The following CAST variants were observed in gnomAD, a reference collection of about 807,000 sequenced individuals.
The protein encoded by CAST is calpastatin.
A neutral mutation model predicts 119.6 loss-of-function variants in CAST; 76 were observed. The ratio of observed to expected loss-of-function variants is 0.64; its 90% confidence interval spans 0.53 to 0.77. The LOEUF is 0.77. Among genes scored for constraint, CAST ranks in the 30% least tolerant of loss-of-function variants. The pLI, the probability that CAST is intolerant of heterozygous loss-of-function variation, is 0.00. For synonymous variants in CAST, 319 were observed against 331.6 expected, an observed-to-expected ratio of 0.96 and a Z score of 0.41; for missense variants, 953 against 946.5, an observed-to-expected ratio of 1.01 and a Z score of -0.09.
At chr5:96,408,824 T>C in the CAST span, among the ~76,000 whole-genome samples, 2 of 152,346 alleles carry the variant, frequency 1.3e-5, no homozygotes, top group Admixed American at 1.3e-4. Context: ...AAATGCTTAA[T>C]ATGTAGTTTG....
the CAST span, among the ~76,000 whole-genome samples, chr5:96,018,320 C>G: frequency 6.6e-6 from 1 of 152,140 alleles, no homozygotes; most frequent in Non-Finnish European, 1.5e-5. Flanking sequence ...TATTTACTCC[C>G]AAATGCAAAT....
the CAST span, among the ~76,000 whole-genome samples, chr5:95,986,895 G>A: frequency 6.6e-6 from 1 of 152,086 alleles, no homozygotes; most frequent in African/African-American, 2.4e-5. Context: ...AGTAACCTTG[G>A]CAGAGTAAAA....
At chr5:96,248,490 T>C in the CAST span, among the ~76,000 whole-genome samples, 1 of 152,144 alleles carries the variant, frequency 6.6e-6, no homozygotes, top group East Asian at 1.9e-4. Context: ...ACTAATCAGC[T>C]TGAAGGAAAG....
the CAST span, among the ~76,000 whole-genome samples, chr5:96,016,691 T>A: frequency 1.3e-5 from 2 of 152,306 alleles, 1 homozygote; most frequent in South Asian, 4.1e-4. Flanking sequence ...TACAGGCTTT[T>A]AAGAGTTGAG....
intron 6 of CAST, chr5:96,728,827 C>T: frequency 4.8e-6 from 1 of 207,080 alleles, no homozygotes; most frequent in South Asian, 9.3e-5. Context: ...TCAGTAGTCA[C>T]ATGGCTCATG....
At chr5:96,305,102 T>G in the CAST span, among the ~76,000 whole-genome samples, 3 of 152,342 alleles carry the variant, frequency 2.0e-5, no homozygotes, top group East Asian at 5.8e-4. Context: ...TTTTTCCATT[T>G]GTTTATGTCC....
chr5:96,013,809 A>G, the CAST span, among the ~76,000 whole-genome samples: 1 of 152,314 alleles, frequency 6.6e-6, no homozygotes, highest in African/African-American at 2.4e-5. Flanking sequence ...ACAAAATTGC[A>G]CATATGTATA....
chr5:96,110,033 T>C, the CAST span, among the ~76,000 whole-genome samples: 532 of 152,244 alleles, frequency 3.5e-3, 2 homozygotes, highest in African/African-American at 4.5e-3. Flanking sequence ...GAAAATCCAG[T>C]CTGTGTCTAG....
At chr5:96,487,208 T>C in the CAST span, among the ~76,000 whole-genome samples, 2 of 152,120 alleles carry the variant, frequency 1.3e-5, no homozygotes, top group South Asian at 2.1e-4. Flanking sequence ...ACCACCAGAA[T>C]GTCCATACCA....
intron 8 of CAST, 124 bp from the exon 9 acceptor site, chr5:96,730,656 A>C (rs1278734492): frequency 8.4e-6 from 6 of 713,292 alleles, no homozygotes; most frequent in Non-Finnish European, 1.2e-5. Flanking sequence ...AAGTGAGCAA[A>C]CATTCCCTTA....
At chr5:96,380,422 C>T in the CAST span, among the ~76,000 whole-genome samples, 4 of 152,124 alleles carry the variant, frequency 2.6e-5, no homozygotes, top group Non-Finnish European at 5.9e-5. Flanking sequence ...AATTATCAGG[C>T]TTTTCCTGAA....
At chr5:96,130,247 C>T in the CAST span, among the ~76,000 whole-genome samples, 1 of 151,792 alleles carries the variant, frequency 6.6e-6, no homozygotes, top group East Asian at 1.9e-4. Context: ...CCCATAACCC[C>T]AGTCCAATAT....
the CAST span, among the ~76,000 whole-genome samples, chr5:95,979,470 G>C: frequency 3.9e-5 from 6 of 152,280 alleles, no homozygotes; most frequent in South Asian, 1.2e-3. Flanking sequence ...GCCCAGGATA[G>C]AGAAACAAGA....
chr5:96,401,547 T>C, the CAST span, among the ~76,000 whole-genome samples: 2 of 152,226 alleles, frequency 1.3e-5, no homozygotes, highest in East Asian at 3.8e-4. Flanking sequence ...TTAGCAACAC[T>C]ATAAAGATAA....
chr5:96,487,373 A>T, the CAST span, among the ~76,000 whole-genome samples: 1 of 152,238 alleles, frequency 6.6e-6, no homozygotes, highest in Non-Finnish European at 1.5e-5. Flanking sequence ...AATAACATTT[A>T]ACATACAATA....
the CAST span, among the ~76,000 whole-genome samples, chr5:96,380,778 A>G: frequency 3.9e-5 from 6 of 152,188 alleles, no homozygotes; most frequent in Non-Finnish European, 4.4e-5. Context: ...TTATTGTATG[A>G]TGAAATGTGT....
chr5:96,242,233 A>T, the CAST span, among the ~76,000 whole-genome samples: 1 of 151,736 alleles, frequency 6.6e-6, no homozygotes, highest in Admixed American at 6.6e-5. Flanking sequence ...TCTTGAATTG[A>T]TTTTTGTATA....
intron 20 of CAST, among the ~76,000 whole-genome samples, chr5:96,751,567 G>T (rs1217462518): frequency 6.6e-6 from 1 of 152,098 alleles, no homozygotes; most frequent in African/African-American, 2.4e-5. Context: ...AGTTTTTTGG[G>T]GTTTCAGGGT....
intron 1 of CAST, among the ~76,000 whole-genome samples, chr5:96,668,982 G>A (rs1749702467): frequency 6.6e-6 from 1 of 152,176 alleles, no homozygotes; most frequent in South Asian, 2.1e-4. Context: ...ACTGGAGGAG[G>A]GGGTGGGGCA....
Sources: gnomAD v4.1 joint callset for allele counts (sites outside exome capture counted in the v4.1 genomes callset) on GRCh38, gnomAD v4.1.1 for gene constraint, MANE v1.5 for transcripts, NCBI Gene and HGNC (gene_info 2026-07-23, HGNC 2026-07-21) for gene names.